ANKRD31: variants seen among roughly 807,000 people sequenced by gnomAD.
ANKRD31 encodes the protein ankyrin repeat domain 31, also known as ankyrin repeat domain-containing protein 31.
ANKRD31 carries 147 observed loss-of-function variants against 186.0 expected under a neutral mutation model. That is an observed-to-expected ratio of 0.79 (90% confidence interval 0.69 to 0.91). The LOEUF (loss-of-function observed/expected upper bound fraction) is 0.91, where lower values mean the gene tolerates loss of function less well. Among genes scored for constraint, ANKRD31 ranks in the 40% least tolerant of loss-of-function variants. The pLI is 0.00. For synonymous variants in ANKRD31, 673 were observed against 736.4 expected (o/e 0.91, Z 1.39); for missense variants, 1,986 against 2,148.8 (o/e 0.92, Z 1.50).
At chr5:75,201,515 C>G (rs758632813) in intron 5 of ANKRD31, among the ~76,000 whole-genome samples, 2 of 151,974 alleles carry the variant, frequency 1.3e-5, no homozygotes, top group African/African-American at 2.4e-5. Context: ...GATTAGAATT[C>G]AAAAACAGAA....
chr5:75,100,769 T>C (rs933795435), intron 22 of ANKRD31, among the ~76,000 whole-genome samples: 23 of 152,176 alleles, frequency 1.5e-4, no homozygotes, highest in Non-Finnish European at 2.9e-4. Flanking sequence ...TGTCTTCCAT[T>C]TACTTGGTAG....
At chr5:75,102,029 T>A (rs1193705009) in intron 22 of ANKRD31, among the ~76,000 whole-genome samples, 1 of 152,236 alleles carries the variant, frequency 6.6e-6, no homozygotes, top group Non-Finnish European at 1.5e-5. Flanking sequence ...AATTTTCAGC[T>A]TTTCTGCTCT....
At chr5:75,112,240 G>A (rs545273937) in intron 20 of ANKRD31, among the ~76,000 whole-genome samples, 4 of 152,164 alleles carry the variant, frequency 2.6e-5, no homozygotes, top group East Asian at 1.9e-4. Context: ...ACAAGCGCCC[G>A]CCAGCATCTA....
At chr5:75,155,339 C>T (rs1297393473) in intron 11 of ANKRD31, among the ~76,000 whole-genome samples, 1 of 152,018 alleles carries the variant, frequency 6.6e-6, no homozygotes, top group Non-Finnish European at 1.5e-5. Flanking sequence ...TATATACACT[C>T]TGTATTTTGC....
intron 17 of ANKRD31, among the ~76,000 whole-genome samples, chr5:75,130,324 A>G (rs542198547): frequency 6.6e-6 from 1 of 152,352 alleles, no homozygotes; most frequent in African/African-American, 2.4e-5. Context: ...AATTTATTGC[A>G]AAGAGCAAAA....
chr5:75,116,619 T>C lies in ANKRD31; in HGVS notation c.4102A>G (p.Ile1368Val), dbSNP rs913614739. ...TGGTGTGAAAGGGAAGATGAGTCAA[T>C]AGTTTTGCCATCATCACAAAAACAC... is the stretch of plus-strand genomic sequence containing the variant. ...KQCFCDDGKT[I>V]DSSSLSHQER... Residue 1368 changes from isoleucine to valine, a missense_variant, in exon 19 of 26, where the codon ATT becomes GTT. Coordinates refer to ENST00000506364, the MANE Select transcript of ANKRD31 (RefSeq NM_001372053.1). The C allele has an allele frequency of 2.7e-6, 4 of 1,475,566 alleles. No homozygotes were observed. The highest frequency in any genetic ancestry group is 3.6e-6 in the Non-Finnish European group (4 of 1,108,646). The allele number at this position is 1,475,566 out of a possible 1,614,324, so 91.4% of individuals were successfully genotyped here.
At chr5:75,149,317 G>A (rs1282114872) in intron 12 of ANKRD31, among the ~76,000 whole-genome samples, 1 of 151,796 alleles carries the variant, frequency 6.6e-6, no homozygotes, top group African/African-American at 2.4e-5. Context: ...AGGAATAAAT[G>A]AATGAACATC....
intron 22 of ANKRD31, among the ~76,000 whole-genome samples, chr5:75,101,479 T>C (rs529544247): frequency 4.5e-4 from 68 of 152,334 alleles, no homozygotes; most frequent in African/African-American, 1.5e-3. Flanking sequence ...TCTGCCTTGG[T>C]AGGTTGGGGA....
At chr5:75,118,589 G>C (rs954274561) in intron 17 of ANKRD31, among the ~76,000 whole-genome samples, 4 of 152,168 alleles carry the variant, frequency 2.6e-5, no homozygotes, top group Admixed American at 2.6e-4. Context: ...CTGCCCAGTA[G>C]AATTTTCTGT....
intron 1 of ANKRD31, among the ~76,000 whole-genome samples, chr5:75,232,704 G>A (rs1305907635): frequency 6.6e-6 from 1 of 152,086 alleles, no homozygotes; most frequent in African/African-American, 2.4e-5. Context: ...TCTTAAAAAG[G>A]TGAACTTTAT....
At chr5:75,092,057 C>T (rs1312613542) in intron 22 of ANKRD31, among the ~76,000 whole-genome samples, 1 of 152,208 alleles carries the variant, frequency 6.6e-6, no homozygotes, top group Non-Finnish European at 1.5e-5. Context: ...TTTGGCCCCA[C>T]CCTCAGCTCC....
chr5:75,102,753 G>C (rs1395442351), intron 22 of ANKRD31, among the ~76,000 whole-genome samples: 1 of 152,156 alleles, frequency 6.6e-6, no homozygotes, highest in Non-Finnish European at 1.5e-5. Context: ...ATAATCTCCT[G>C]GTGTGCCGTT....
At chr5:75,126,041 C>T (rs1749227491) in intron 17 of ANKRD31, among the ~76,000 whole-genome samples, 1 of 152,182 alleles carries the variant, frequency 6.6e-6, no homozygotes, top group Admixed American at 6.5e-5. Context: ...TGATCTGCCT[C>T]TATTGCTTTA....
Position 75,196,039 on chromosome 5 carries a change from C to A in ANKRD31, c.609G>T (p.Met203Ile). ...TFFEPRKEVT[M>I]TMTSEETKDE... The stretch of plus-strand genomic sequence containing the variant: ...CCTTAGTTTCTTCAGAAGTCATGGT[C>A]ATTGTGACTTCCTTTCTAGGCTCAA... Residue 203 changes from methionine to isoleucine, a missense_variant, in exon 7 of 26, where the codon ATG (methionine) becomes ATT (isoleucine). Coordinates refer to ENST00000506364, the MANE Select transcript of ANKRD31 (RefSeq NM_001372053.1). 2.6e-6 allele frequency: 4 copies of A among 1,536,062 alleles called. No individual in the cohort carries two copies. In the South Asian group the frequency reaches 3.6e-5, roughly 14 times the overall value.
intron 20 of ANKRD31, among the ~76,000 whole-genome samples, chr5:75,110,642 G>C (rs1028716355): frequency 1.3e-5 from 2 of 150,788 alleles, no homozygotes; most frequent in Non-Finnish European, 3.0e-5. Context: ...CTGGGAGGCG[G>C]AGGTTCCAGT....
chr5:75,075,671 AG>A (rs1219668804), intron 25 of ANKRD31, among the ~76,000 whole-genome samples: 1 of 152,168 alleles, frequency 6.6e-6, no homozygotes, highest in East Asian at 1.9e-4. Context: ...ACTCCCACCA[AG>A]CTTTGGGCCA....
At chr5:75,164,573 GACTGCCAAAGTATTAGTT>G (rs761029527) in intron 11 of ANKRD31, among the ~76,000 whole-genome samples, 1 of 152,002 alleles carries the variant, frequency 6.6e-6, no homozygotes. Context: ...TTGGCGAAAG[GACTGCCAAAGTATTAGTT>G]ACTGCCAAAG....
intron 17 of ANKRD31, among the ~76,000 whole-genome samples, chr5:75,130,428 C>T (rs895836180): frequency 5.3e-5 from 8 of 152,330 alleles, no homozygotes; most frequent in African/African-American, 1.4e-4. Context: ...GCCCCACCTA[C>T]ATCCTACTGA....
chr5:75,103,588 T>C (rs189462570), intron 22 of ANKRD31, among the ~76,000 whole-genome samples: 3 of 152,260 alleles, frequency 2.0e-5, no homozygotes, highest in Non-Finnish European at 4.4e-5. Flanking sequence ...AGCAAAGACA[T>C]GGAATCAACC....
Sources: gnomAD v4.1 joint callset for allele counts (sites outside exome capture counted in the v4.1 genomes callset) on GRCh38, gnomAD v4.1.1 for gene constraint, MANE v1.5 for transcripts, NCBI Gene and HGNC (gene_info 2026-07-23, HGNC 2026-07-21) for gene names.